The following GOLM2 variants were observed in gnomAD, a reference collection of about 807,000 sequenced individuals.
GOLM2 encodes the protein golgi membrane protein 2, also known as protein GOLM2.
In GOLM2, 26 loss-of-function variants were observed where a neutral mutation model predicts 55.9. The ratio of observed to expected loss-of-function variants is 0.47; its 90% CI spans 0.34 to 0.65. GOLM2 has a LOEUF of 0.65. Among genes scored for constraint, GOLM2 ranks in the 30% least tolerant of loss-of-function variants. GOLM2 has a pLI of 0.01. For synonymous variants in GOLM2, 165 were observed against 194.6 expected, an observed-to-expected ratio of 0.85 and a Z score of 1.27; for missense variants, 486 against 531.8, an observed-to-expected ratio of 0.91 and a Z score of 0.85.
intron 5 of GOLM2, 21 bp downstream of exon 5, chr15:44,337,928 T>G (rs768945357): frequency 1.3e-6 from 2 of 1,565,428 alleles, no homozygotes; most frequent in South Asian, 2.4e-5. Flanking sequence ...TATTATTCTT[T>G]TGTTTTGTAT....
At chr15:44,370,304 CT>C (rs2079321560) in intron 6 of GOLM2, among the ~76,000 whole-genome samples, 1 of 152,120 alleles carries the variant, frequency 6.6e-6, no homozygotes, top group South Asian at 2.1e-4. Context: ...CTTGTTTATG[CT>C]TTGGTTTTTT....
rs1324401421 is a variant in GOLM2, at chr15:44,295,243, C to A, written c.327+5887C>A. Among the ~76,000 whole-genome samples, 5 of 152,098 alleles carry A rather than the reference C, an allele frequency of 3.3e-5. No individual in the cohort carries two copies. The East Asian group carries it at 9.7e-4, about 29-fold the overall frequency. ...TACAGGTGCATGCCACCATGCCTGG[C>A]TAATTTTTGATTTTTTAGTAGAGAC... On this transcript the variant is annotated intron_variant, in intron 1 of 9. Transcript: ENST00000299957.
intron 6 of GOLM2, among the ~76,000 whole-genome samples, chr15:44,370,695 GC>G (rs2079323899): frequency 6.6e-6 from 1 of 151,982 alleles, no homozygotes; most frequent in South Asian, 2.1e-4. Flanking sequence ...GAGAATTTTA[GC>G]CTTTTTTGTG....
chr15:44,344,903 GAGTAGCTGGGACTACAGGCACCCGCCACA>G (rs2079113626), intron 6 of GOLM2, among the ~76,000 whole-genome samples: 3 of 149,174 alleles, frequency 2.0e-5, no homozygotes, highest in Admixed American at 6.7e-5. Context: ...TCAGCCTCCT[GAGTAGCTGGGACTACAGGCACCCGCCACA>G]AGTAGCTGGG....
intron 6 of GOLM2, among the ~76,000 whole-genome samples, chr15:44,363,564 G>A (rs548232594): frequency 1.3e-5 from 2 of 152,282 alleles, no homozygotes; most frequent in South Asian, 2.1e-4. Context: ...GAGAGGATGT[G>A]GAGAAATAGG....
chr15:44,342,180 A>T (rs1232933625), intron 6 of GOLM2, among the ~76,000 whole-genome samples: 1 of 152,000 alleles, frequency 6.6e-6, no homozygotes, highest in African/African-American at 2.4e-5. Context: ...AATGTAAAAA[A>T]TGTCACCATA....
intron 4 of GOLM2, among the ~76,000 whole-genome samples, chr15:44,336,598 C>T (rs889048677): frequency 2.0e-5 from 3 of 152,050 alleles, no homozygotes; most frequent in African/African-American, 7.2e-5. Flanking sequence ...TACTCTTTCT[C>T]CTTTATTGTG....
At chr15:44,400,331 T>C (rs76648561) in intron 8 of GOLM2, among the ~76,000 whole-genome samples, 1 of 151,900 alleles carries the variant, frequency 6.6e-6, no homozygotes, top group African/African-American at 2.4e-5. Flanking sequence ...CTTTTTTTTT[T>C]CTTTGAGACA....
chr15:44,322,738 A>G (rs192572422), intron 1 of GOLM2, among the ~76,000 whole-genome samples: 201 of 152,326 alleles, frequency 1.3e-3, no homozygotes, highest in African/African-American at 4.3e-3. Context: ...TAAAACTTTT[A>G]AAGTTGTTAC....
intron 6 of GOLM2, among the ~76,000 whole-genome samples, chr15:44,345,549 T>A (rs1369838308): frequency 6.6e-6 from 1 of 152,078 alleles, no homozygotes; most frequent in African/African-American, 2.4e-5. Context: ...TGTAAGGCAC[T>A]GTGCCCAGCC....
At chr15:44,376,088 T>C (rs1176483831) in intron 6 of GOLM2, among the ~76,000 whole-genome samples, 1 of 152,032 alleles carries the variant, frequency 6.6e-6, no homozygotes, top group African/African-American at 2.4e-5. Flanking sequence ...AATACAAAAT[T>C]AGCTGGGCTT....
intron 1 of GOLM2, among the ~76,000 whole-genome samples, chr15:44,316,573 G>T (rs2078911330): frequency 6.6e-6 from 1 of 151,888 alleles, no homozygotes; most frequent in Non-Finnish European, 1.5e-5. Context: ...GGCCAACAGG[G>T]TGAAACCCCG....
At chr15:44,401,591 A>G (rs1291066847) in intron 8 of GOLM2, among the ~76,000 whole-genome samples, 1 of 152,106 alleles carries the variant, frequency 6.6e-6, no homozygotes, top group Non-Finnish European at 1.5e-5. Context: ...AAAAATTTAG[A>G]CCTATCACAG....
intron 1 of GOLM2, among the ~76,000 whole-genome samples, chr15:44,296,005 C>G (rs781762201): frequency 6.6e-6 from 1 of 151,910 alleles, no homozygotes; most frequent in Non-Finnish European, 1.5e-5. Context: ...TTCCTCAGTA[C>G]AGGGCATGTC....
At chr15:44,307,116 G>A (rs1014771368) in intron 1 of GOLM2, 1 of 154,794 alleles carries the variant, frequency 6.5e-6, no homozygotes, top group Non-Finnish European at 1.5e-5. Flanking sequence ...AACGCATAAA[G>A]CAAGGTACAA....
At chr15:44,303,386 T>G (rs1290258885) in intron 1 of GOLM2, among the ~76,000 whole-genome samples, 2 of 152,200 alleles carry the variant, frequency 1.3e-5, no homozygotes, top group African/African-American at 4.8e-5. Context: ...CTAGTATACA[T>G]AGAATATATC....
At chr15:44,387,884 CTT>C (rs1286459261) in intron 8 of GOLM2, among the ~76,000 whole-genome samples, 1 of 151,868 alleles carries the variant, frequency 6.6e-6, no homozygotes, top group African/African-American at 2.4e-5. Context: ...GATCTAGACT[CTT>C]ATGATGATTT....
At chr15:44,349,259 CA>C (rs144376603) in intron 6 of GOLM2, among the ~76,000 whole-genome samples, 5,631 of 63,386 alleles carry the variant, frequency 0.089, 126 homozygotes, top group African/African-American at 0.17. Context: ...AACTCCGTCT[CA>C]AAAAAAAAAA....
intron 1 of GOLM2, among the ~76,000 whole-genome samples, chr15:44,305,036 T>A (rs538212079): frequency 1.3e-5 from 2 of 152,306 alleles, no homozygotes; most frequent in South Asian, 4.1e-4. Context: ...ACAGTCTCTG[T>A]TGCCCAGGCT....
Sources: gnomAD v4.1 joint callset for allele counts (sites outside exome capture counted in the v4.1 genomes callset) on GRCh38, gnomAD v4.1.1 for gene constraint, MANE v1.5 for transcripts, NCBI Gene and HGNC (gene_info 2026-07-23, HGNC 2026-07-21) for gene names.